LRP1B: variants seen among roughly 807,000 people sequenced by gnomAD.
LRP1B encodes the protein LDL receptor related protein 1B, also known as low-density lipoprotein receptor-related protein 1B.
Under a neutral mutation model 556.6 loss-of-function variants are expected in LRP1B, and 217 were observed. That is an observed-to-expected ratio of 0.39 (90% CI 0.35 to 0.44). The LOEUF is 0.44. LRP1B is among the 20% of genes least tolerant of loss of function. LRP1B has a pLI of 1.00. For missense variants in LRP1B, 5,053 were observed against 5,620.8 expected (o/e 0.90, Z 3.23); for synonymous variants, 2,047 against 1,865.8 (o/e 1.10, Z -2.50).
chr2:140,526,113 C>CTATTTCCTCAAATGAAGTTATGTAA, intron 48 of LRP1B, 120 bp from the exon 49 acceptor site: 1 of 1,339,582 alleles, frequency 7.5e-7, no homozygotes, highest in East Asian at 2.4e-5. Flanking sequence ...ACGTAATTAT[C>CTATTTCCTCAAATGAAGTTATGTAA]CCACACAACA....
rs563477600 is a variant in LRP1B at position 141,620,934 on chromosome 2, T to C, written c.206-140401A>G. Among the ~76,000 whole-genome samples, 16 of 93,000 alleles carry C rather than the reference T, an allele frequency of 1.7e-4. No individual in the cohort carries two copies. The East Asian group carries it at 4.3e-3, about 25-fold the overall frequency. 61.0% of individuals were successfully genotyped at this position (93,000 alleles called of 152,430 possible). ...TTTCTTCCAAAAAGTCATGAAGAAT[T>C]TCATTAACCTTTTAATAAAAAAAAA... On this transcript the variant is annotated intron_variant, in intron 2 of 90. Transcript: ENST00000389484.
intron 46 of LRP1B, among the ~76,000 whole-genome samples, chr2:140,535,687 T>A (rs1347606493): frequency 6.6e-6 from 1 of 152,094 alleles, no homozygotes; most frequent in Non-Finnish European, 1.5e-5. Flanking sequence ...GACAATTTTT[T>A]AAAAATCTGG....
intron 2 of LRP1B, among the ~76,000 whole-genome samples, chr2:141,671,410 C>G (rs771616152): frequency 1.6e-4 from 25 of 152,098 alleles, no homozygotes; most frequent in Non-Finnish European, 3.2e-4. Flanking sequence ...AAACGCCAAG[C>G]AAGGATGGAA....
intron 11 of LRP1B, among the ~76,000 whole-genome samples, chr2:141,026,067 C>A (rs937619948): frequency 1.3e-5 from 2 of 151,972 alleles, no homozygotes; most frequent in African/African-American, 4.8e-5. Context: ...CCTAACTCTG[C>A]CTATCAAGAG....
At chr2:141,576,004 G>T (rs569415812) in intron 2 of LRP1B, among the ~76,000 whole-genome samples, 19 of 152,304 alleles carry the variant, frequency 1.2e-4, no homozygotes, top group Admixed American at 9.2e-4. Context: ...ATGTAAATTC[G>T]TTCAACCATT....
At chr2:140,847,210 C>G (rs566355906) in intron 29 of LRP1B, among the ~76,000 whole-genome samples, 1 of 152,308 alleles carries the variant, frequency 6.6e-6, no homozygotes, top group Non-Finnish European at 1.5e-5. Flanking sequence ...CTACTCCCAA[C>G]CCATAGAACT....
chr2:140,795,639 A>C (rs1690277464), intron 32 of LRP1B, among the ~76,000 whole-genome samples: 1 of 152,150 alleles, frequency 6.6e-6, no homozygotes, highest in African/African-American at 2.4e-5. Context: ...TATTTTTAAA[A>C]TATATCTAAA....
At chr2:140,955,375 A>C (rs1021789140) in intron 18 of LRP1B, among the ~76,000 whole-genome samples, 1 of 151,872 alleles carries the variant, frequency 6.6e-6, no homozygotes, top group Non-Finnish European at 1.5e-5. Context: ...TATATTTGAC[A>C]AAGATTTAAA....
chr2:141,163,740 T>C (rs1226688073), intron 7 of LRP1B, among the ~76,000 whole-genome samples: 1 of 152,060 alleles, frequency 6.6e-6, no homozygotes, highest in Non-Finnish European at 1.5e-5. Context: ...CCTTCTGCCA[T>C]AGTTGTGAGG....
At chr2:141,366,988 C>G (rs1007286395) in intron 3 of LRP1B, among the ~76,000 whole-genome samples, 8 of 152,200 alleles carry the variant, frequency 5.3e-5, no homozygotes, top group Admixed American at 5.2e-4. Flanking sequence ...CTAAAGGTAA[C>G]AGTAGAGATG....
chr2:140,670,652 A>G (rs1277045491), intron 41 of LRP1B, among the ~76,000 whole-genome samples: 1 of 149,166 alleles, frequency 6.7e-6, no homozygotes, highest in Non-Finnish European at 1.5e-5. Context: ...AACCAATGTT[A>G]TAGTTAATCT....
intron 1 of LRP1B, among the ~76,000 whole-genome samples, chr2:142,062,145 C>T (rs1049619935): frequency 4.0e-5 from 6 of 151,844 alleles, no homozygotes; most frequent in Admixed American, 6.6e-5. Context: ...ACTTCAATGC[C>T]CCCAGCCAAC....
At chr2:141,834,875 A>C (rs529962868) in intron 1 of LRP1B, among the ~76,000 whole-genome samples, 1 of 152,090 alleles carries the variant, frequency 6.6e-6, no homozygotes, top group South Asian at 2.1e-4. Flanking sequence ...AAAAGTGCAG[A>C]GTGAATAAGA....
intron 77 of LRP1B, among the ~76,000 whole-genome samples, chr2:140,349,296 T>A (rs1681849199): frequency 6.6e-6 from 1 of 152,134 alleles, no homozygotes; most frequent in Non-Finnish European, 1.5e-5. Flanking sequence ...TGTCTATGTT[T>A]ATCAATTGTA....
At chr2:141,324,613 A>G (rs1434091807) in intron 3 of LRP1B, among the ~76,000 whole-genome samples, 1 of 152,146 alleles carries the variant, frequency 6.6e-6, no homozygotes, top group Non-Finnish European at 1.5e-5. Flanking sequence ...TACTTTTCAT[A>G]AAGGCTGTAC....
chr2:141,346,702 A>G (rs535930035), intron 3 of LRP1B, among the ~76,000 whole-genome samples: 1 of 152,018 alleles, frequency 6.6e-6, no homozygotes, highest in South Asian at 2.1e-4. Context: ...TTTAAAAAGT[A>G]CTCCTTCTTC....
chr2:141,107,225 G>A (rs1700627579), intron 7 of LRP1B, among the ~76,000 whole-genome samples: 1 of 151,778 alleles, frequency 6.6e-6, no homozygotes, highest in Admixed American at 6.6e-5. Context: ...TTTTTTATGT[G>A]GTGTTTTAAA....
intron 31 of LRP1B, among the ~76,000 whole-genome samples, chr2:140,823,060 T>A (rs758654956): frequency 6.6e-6 from 1 of 152,210 alleles, no homozygotes; most frequent in African/African-American, 2.4e-5. Flanking sequence ...TTCTACCATA[T>A]GAAACCATAT....
intron 2 of LRP1B, among the ~76,000 whole-genome samples, chr2:141,642,011 C>CAA (rs1558774507): frequency 7.2e-6 from 1 of 138,324 alleles, no homozygotes; most frequent in Non-Finnish European, 1.6e-5. Context: ...AAACAAAACC[C>CAA]CCCCCCAAAA....
Sources: allele counts gnomAD v4.1 joint callset (sites outside exome capture counted in the v4.1 genomes callset), GRCh38; gene constraint gnomAD v4.1.1; transcripts MANE v1.5; gene names NCBI Gene and HGNC (gene_info 2026-07-23, HGNC 2026-07-21).